The following SPEF2 variants were observed in gnomAD, a reference collection of about 807,000 sequenced individuals.
The protein encoded by SPEF2 is sperm flagella and cilia-associated protein 2.
In SPEF2, 187 loss-of-function variants were observed where a neutral mutation model predicts 224.6. The ratio of observed to expected loss-of-function variants is 0.83; its 90% confidence interval spans 0.74 to 0.94. The LOEUF (loss-of-function observed/expected upper bound fraction) is 0.94, where lower values mean the gene tolerates loss of function less well. Ranked by LOEUF, SPEF2 falls within the 40% of genes least tolerant of loss-of-function variation. The pLI is 0.00. For synonymous variants in SPEF2, 715 were observed against 707.3 expected (o/e 1.01, Z -0.17); for missense variants, 2,170 against 2,135.6 (o/e 1.02, Z -0.32).
intron 30 of SPEF2, chr5:35,789,688 C>T (rs780389417): frequency 4.1e-5 from 26 of 639,050 alleles, no homozygotes; most frequent in Admixed American, 1.1e-4. Flanking sequence ...AAATTGTGGC[C>T]CACAAAGATA....
At chr5:35,723,129 A>G (rs551979073) in intron 20 of SPEF2, among the ~76,000 whole-genome samples, 1 of 152,294 alleles carries the variant, frequency 6.6e-6, no homozygotes, top group African/African-American at 2.4e-5. Flanking sequence ...AATGGCATGA[A>G]CTTCCCAAGG....
intron 2 of SPEF2, among the ~76,000 whole-genome samples, chr5:35,636,504 C>G (rs534765835): frequency 1.3e-5 from 2 of 149,190 alleles, no homozygotes; most frequent in Non-Finnish European, 3.0e-5. Flanking sequence ...TGGCCAGGCT[C>G]TTCTTTGCTC....
chr5:35,652,828 C>T (rs1262050330), intron 6 of SPEF2, among the ~76,000 whole-genome samples: 1 of 152,042 alleles, frequency 6.6e-6, no homozygotes, highest in Non-Finnish European at 1.5e-5. Context: ...TATCAGAGTA[C>T]TTGTGTCTAT....
intron 26 of SPEF2, among the ~76,000 whole-genome samples, chr5:35,767,827 A>C (rs1752288167): frequency 6.6e-6 from 1 of 152,094 alleles, no homozygotes; most frequent in African/African-American, 2.4e-5. Context: ...TAAGAGAAGA[A>C]GGGGTTAGTG....
At chr5:35,622,644 C>T (rs1743686327) in intron 1 of SPEF2, among the ~76,000 whole-genome samples, 1 of 152,188 alleles carries the variant, frequency 6.6e-6, no homozygotes, top group Admixed American at 6.5e-5. Context: ...TTTTCTCATA[C>T]TTAAACACTC....
chr5:35,635,947 C>T (rs936421304), intron 2 of SPEF2, among the ~76,000 whole-genome samples: 4 of 152,100 alleles, frequency 2.6e-5, no homozygotes, highest in South Asian at 2.1e-4. Context: ...GACTTCCCCA[C>T]GGAGTTTCTA....
intron 15 of SPEF2, chr5:35,699,162 T>A (rs1243054882): frequency 6.6e-6 from 1 of 152,146 alleles, no homozygotes; most frequent in African/African-American, 2.4e-5. Context: ...GTTTTCCCCC[T>A]CCTTCCTTGT....
chr5:35,745,925 C>T (rs1748456436), intron 23 of SPEF2, among the ~76,000 whole-genome samples: 1 of 152,202 alleles, frequency 6.6e-6, no homozygotes, highest in Non-Finnish European at 1.5e-5. Flanking sequence ...CCATTGCACT[C>T]CCTCACCACC....
At chr5:35,754,801 T>C (rs1750199896) in intron 24 of SPEF2, among the ~76,000 whole-genome samples, 2 of 152,108 alleles carry the variant, frequency 1.3e-5, no homozygotes, top group African/African-American at 2.4e-5. Flanking sequence ...GGAATGAAGA[T>C]AGAGAATGGA....
At chr5:35,758,991 G>A (rs1191747657) in intron 24 of SPEF2, among the ~76,000 whole-genome samples, 2 of 90,740 alleles carry the variant, frequency 2.2e-5, no homozygotes, top group Non-Finnish European at 3.9e-5. Flanking sequence ...GGGTGATAGA[G>A]CAAGACTCTG....
chr5:35,637,999 G>T (rs73078283), intron 2 of SPEF2, among the ~76,000 whole-genome samples: 3,205 of 152,252 alleles, frequency 0.021, 117 homozygotes, highest in African/African-American at 0.074. Context: ...TTATGAAAGT[G>T]AGAAACTCAG....
At chr5:35,696,830 G>A (rs898174188) in intron 14 of SPEF2, among the ~76,000 whole-genome samples, 1 of 152,262 alleles carries the variant, frequency 6.6e-6, no homozygotes, top group Middle Eastern at 3.4e-3. Context: ...CATCGGGCAG[G>A]CCTCCTTGGG....
intron 2 of SPEF2, among the ~76,000 whole-genome samples, chr5:35,636,608 G>A (rs1186577441): frequency 6.6e-6 from 1 of 152,084 alleles, no homozygotes; most frequent in African/African-American, 2.4e-5. Context: ...TTTTCAGTGA[G>A]TAAGCTCTAT....
intron 20 of SPEF2, among the ~76,000 whole-genome samples, chr5:35,722,094 G>T (rs1246249794): frequency 6.9e-6 from 1 of 143,960 alleles, no homozygotes; most frequent in African/African-American, 2.5e-5. Flanking sequence ...GAAGAGGAAA[G>T]AAAAAAAAAA....
At chr5:35,622,133 C>T (rs988026359) in intron 1 of SPEF2, among the ~76,000 whole-genome samples, 1 of 151,978 alleles carries the variant, frequency 6.6e-6, no homozygotes, top group Admixed American at 6.6e-5. Flanking sequence ...ACAGTCTATG[C>T]TCCTTGTTAA....
At chr5:35,709,550 C>T in intron 19 of SPEF2, 12 of 987,066 alleles carry the variant, frequency 1.2e-5, no homozygotes, top group Non-Finnish European at 1.4e-5. Flanking sequence ...TTAACAGCAA[C>T]CATTAGAACT....
In SPEF2 at chr5:35,779,113, T is replaced by C; in HGVS notation, c.4218-4T>C. On this transcript the variant is annotated splice_polypyrimidine_tract_variant and splice_region_variant and intron_variant, in intron 29 of 36. Transcript: ENST00000356031. The stretch of plus-strand genomic sequence containing the variant: ...GTTAACGCTATCCATTTTACCACTT[T>C]CAGTACAGAAAAATTAACTGACGTA... 6.2e-7 allele frequency: 1 copy of C among 1,609,058 alleles called. No individual in the cohort carries two copies. The highest frequency in any genetic ancestry group is 1.7e-4 in the Middle Eastern group (1 of 6,030).
At chr5:35,786,441 C>T (rs1755134512) in intron 30 of SPEF2, among the ~76,000 whole-genome samples, 1 of 152,162 alleles carries the variant, frequency 6.6e-6, no homozygotes, top group South Asian at 2.1e-4. Context: ...GGGTGGTTCA[C>T]CTGAGGTCAG....
intron 16 of SPEF2, among the ~76,000 whole-genome samples, chr5:35,701,313 C>G (rs12172997): frequency 0.53 from 80,350 of 152,036 alleles, 21,636 homozygotes; most frequent in Non-Finnish European, 0.55. Context: ...ATTCTTGAAC[C>G]TTGGCTTTCT....
Sources: gnomAD v4.1 joint callset for allele counts (sites outside exome capture counted in the v4.1 genomes callset) on GRCh38, gnomAD v4.1.1 for gene constraint, MANE v1.5 for transcripts, NCBI Gene and HGNC (gene_info 2026-07-23, HGNC 2026-07-21) for gene names.